RIC8B: variants seen among roughly 807,000 people sequenced by gnomAD.
RIC8B encodes the protein chaperone Ric-8B.
A neutral mutation model predicts 57.5 loss-of-function variants in RIC8B; 16 were observed. The observed-to-expected ratio is 0.28, with a 90% CI of 0.19 to 0.42. RIC8B has a LOEUF of 0.42. Ranked by LOEUF, RIC8B falls within the 10% of genes least tolerant of loss-of-function variation. The probability of loss-of-function intolerance (pLI) is 1.00; values close to 1 mark genes in which losing one functional copy is unlikely to be tolerated. For missense variants in RIC8B, 481 were observed against 677.0 expected (o/e 0.71, Z 3.21); for synonymous variants, 216 against 250.8 (o/e 0.86, Z 1.31).
intron 2 of RIC8B, among the ~76,000 whole-genome samples, chr12:106,808,319 G>T (rs2045155952): frequency 6.6e-6 from 1 of 152,078 alleles, no homozygotes; most frequent in African/African-American, 2.4e-5. Context: ...ATCTATGGAG[G>T]TCCTGGAACT....
At chr12:106,868,325 C>T in intron 8 of RIC8B, 1 of 456,818 alleles carries the variant, frequency 2.2e-6, no homozygotes, top group Non-Finnish European at 4.4e-6. Flanking sequence ...AGGAGAGAAG[C>T]CATCTCTCAA....
intron 4 of RIC8B, among the ~76,000 whole-genome samples, chr12:106,832,816 T>C (rs919992937): frequency 4.3e-4 from 65 of 152,328 alleles, no homozygotes; most frequent in African/African-American, 1.6e-3. Context: ...GTACCTATTC[T>C]TTCCTGTTTT....
Position 106,888,743 on chromosome 12 carries a change from G to C in RIC8B, c.*2728G>C, listed in dbSNP as rs745386365. On this transcript the variant is annotated 3_prime_UTR_variant, in exon 10 of 10. Coordinates refer to ENST00000392837, the MANE Select transcript of RIC8B (RefSeq NM_001330145.2). ...CCAATGAAGACCTGGAATCCGTTAG[G>C]ATAGGCCAGGGACCAAGGCTGCAGG... The C allele has an allele frequency of 6.6e-6, 1 of 152,544 alleles. No individual in the cohort carries two copies. The highest frequency in any genetic ancestry group is 1.5e-5 in the Non-Finnish European group (1 of 68,060). The allele number at this position is 152,544 out of a possible 1,614,324, so 9.4% of individuals were successfully genotyped here.
intron 3 of RIC8B, among the ~76,000 whole-genome samples, chr12:106,820,413 C>G (rs1458385127): frequency 6.6e-6 from 1 of 152,162 alleles, no homozygotes; most frequent in African/African-American, 2.4e-5. Flanking sequence ...TTTTAAAAAG[C>G]CAATTGATTT....
chr12:106,811,167 C>A (rs1392663705), intron 2 of RIC8B, among the ~76,000 whole-genome samples: 1 of 152,156 alleles, frequency 6.6e-6, no homozygotes, highest in African/African-American at 2.4e-5. Context: ...TCCCTGCCAC[C>A]CTTACACATC....
intron 9 of RIC8B, chr12:106,874,385 C>A: frequency 1.1e-6 from 1 of 924,932 alleles, no homozygotes; most frequent in Non-Finnish European, 1.7e-6. Flanking sequence ...TGGTTTTCTC[C>A]TGCACCTGAA....
intron 4 of RIC8B, among the ~76,000 whole-genome samples, chr12:106,827,146 T>G (rs1327503719): frequency 6.6e-6 from 1 of 152,190 alleles, no homozygotes. Flanking sequence ...CTGTAAAAAT[T>G]TATTGTACTC....
intron 8 of RIC8B, among the ~76,000 whole-genome samples, chr12:106,860,688 G>T (rs1949894210): frequency 6.6e-6 from 1 of 152,070 alleles, no homozygotes; most frequent in Non-Finnish European, 1.5e-5. Context: ...CTGAGAAAGT[G>T]TTATTGCTTA....
chr12:106,828,428 T>TA (rs890164985), intron 4 of RIC8B, among the ~76,000 whole-genome samples: 1 of 152,224 alleles, frequency 6.6e-6, no homozygotes, highest in Non-Finnish European at 1.5e-5. Flanking sequence ...GTTTTAAGCA[T>TA]AAAAATTTTT....
chr12:106,863,811 G>A (rs17038821), intron 8 of RIC8B, among the ~76,000 whole-genome samples: 2,341 of 152,140 alleles, frequency 0.015, 22 homozygotes, highest in African/African-American at 0.028. Flanking sequence ...ATTCACAATC[G>A]TCAGTTTTCT....
intron 1 of RIC8B, among the ~76,000 whole-genome samples, chr12:106,778,727 C>T (rs2043604982): frequency 6.6e-6 from 1 of 152,148 alleles, no homozygotes; most frequent in East Asian, 1.9e-4. Context: ...TTTACCCTGT[C>T]TCTTCTGTGT....
At chr12:106,860,846 G>A (rs923126347) in intron 8 of RIC8B, among the ~76,000 whole-genome samples, 18 of 152,058 alleles carry the variant, frequency 1.2e-4, no homozygotes, top group Admixed American at 9.8e-4. Flanking sequence ...TTATAAGTCA[G>A]TAAAATAGGC....
intron 3 of RIC8B, among the ~76,000 whole-genome samples, chr12:106,820,202 A>G (rs1024507820): frequency 6.6e-6 from 1 of 152,224 alleles, no homozygotes; most frequent in Non-Finnish European, 1.5e-5. Context: ...TAGAAAATTA[A>G]TGACTAGGTT....
At chr12:106,792,373 A>G (rs2044295350) in intron 2 of RIC8B, among the ~76,000 whole-genome samples, 2 of 152,228 alleles carry the variant, frequency 1.3e-5, no homozygotes, top group African/African-American at 4.8e-5. Flanking sequence ...ATGGCAGTCT[A>G]TACATGATCG....
intron 2 of RIC8B, among the ~76,000 whole-genome samples, chr12:106,786,141 ATTTTTTT>A (rs893618675): frequency 1.2e-4 from 9 of 73,924 alleles, no homozygotes; most frequent in South Asian, 4.8e-4. Context: ...CCCAAGGTGT[ATTTTTTT>A]TTTTTTTTTT....
intron 3 of RIC8B, among the ~76,000 whole-genome samples, chr12:106,821,084 T>C (rs2045819701): frequency 6.6e-6 from 1 of 152,246 alleles, no homozygotes; most frequent in African/African-American, 2.4e-5. Context: ...GCTGTGTTTG[T>C]ATAATGCTAT....
rs972923786 is a variant in RIC8B at position 106,862,576 on chromosome 12, C to G, written c.1451+2164C>G. ...AGTCAGCATCTGAAAGGATTGCTTA[C>G]TCCCCTACACCTGAATACCATTCAC... On this transcript the variant is annotated intron_variant, in intron 8 of 9. Coordinates refer to ENST00000392837, the MANE Select transcript of RIC8B (RefSeq NM_001330145.2). Among the ~76,000 whole-genome samples the G allele has an allele frequency of 2.6e-5, 4 of 152,120 alleles. No homozygotes were observed. In the East Asian group the frequency reaches 7.7e-4, roughly 29 times the overall value.
At chr12:106,836,084 A>G (rs974410003) in intron 4 of RIC8B, among the ~76,000 whole-genome samples, 7 of 152,194 alleles carry the variant, frequency 4.6e-5, no homozygotes, top group African/African-American at 1.4e-4. Context: ...AATCCAGTGG[A>G]CATTTTTCAG....
chr12:106,838,716 A>G (rs1237467316), intron 4 of RIC8B, among the ~76,000 whole-genome samples: 1 of 152,188 alleles, frequency 6.6e-6, no homozygotes, highest in African/African-American at 2.4e-5. Flanking sequence ...TGCACAGCAA[A>G]GGAAACAGTC....
Sources: gnomAD v4.1 joint callset for allele counts (sites outside exome capture counted in the v4.1 genomes callset) on GRCh38, gnomAD v4.1.1 for gene constraint, MANE v1.5 for transcripts, NCBI Gene and HGNC (gene_info 2026-07-23, HGNC 2026-07-21) for gene names.